RBM4: variants seen among roughly 807,000 people sequenced by gnomAD.
RBM4 encodes RNA binding motif protein 4.
A neutral mutation model predicts 29.5 loss-of-function variants in RBM4; 7 were observed. The observed-to-expected ratio is 0.24, with a 90% confidence interval of 0.14 to 0.45. RBM4 has a LOEUF of 0.45. RBM4 is among the 20% of genes least tolerant of loss of function. RBM4 has a pLI of 1.00. For missense variants in RBM4, 387 were observed against 502.3 expected (o/e 0.77, Z 2.19); for synonymous variants, 220 against 205.4 (o/e 1.07, Z -0.61).
chr11:66,644,466 C>T (rs373753983), intron 3 of RBM4: 11 of 241,260 alleles, frequency 4.6e-5, no homozygotes, highest in East Asian at 1.1e-4. Context: ...GGGACCCACA[C>T]GTTCAGGCTC....
chr11:66,666,446 T>C, exon 3 of RBM4: 1 of 987,762 alleles, frequency 1.0e-6, no homozygotes, highest in Non-Finnish European at 1.2e-6. Context: ...ATCAGGCTCC[T>C]GGGACTGCAA....
At position 66,639,728 on chromosome 11, in the gene RBM4, T is replaced by G; in HGVS notation, c.17T>G (p.Ile6Ser). 6.2e-7 allele frequency: 1 copy of G among 1,613,956 alleles called. No individual in the cohort carries two copies. The highest frequency in any genetic ancestry group is 8.5e-7 in the Non-Finnish European group (1 of 1,179,840). ...CTTGTCAGGATGGTGAAGCTGTTCA[T>G]CGGAAACCTGCCCCGGGAGGCTACA... is the stretch of plus-strand genomic sequence containing the variant. MVKLF[I>S]GNLPREATEQ... Residue 6 changes from isoleucine (I) to serine (S), a missense_variant, in exon 2 of 4, where the codon ATC becomes AGC. Coordinates refer to ENST00000310092, the MANE Select transcript of RBM4 (RefSeq NM_002896.4).
rs571011020 is a variant in RBM4 at position 66,665,800 on chromosome 11, C to G, written c.413-56C>G. ...ATGGCTATATATATAGGACAAGATG[C>G]AATCTAGCTGAAGAATGTGTTGGTG... is the stretch of plus-strand genomic sequence containing the variant. On this transcript the variant is annotated intron_variant, in intron 2 of 2. Coordinates refer to the RBM4 transcript ENST00000396053. The G allele has an allele frequency of 5.2e-5, 74 of 1,433,990 alleles. No individual in the cohort carries two copies. The African/African-American group carries it at 9.8e-4, about 19-fold the overall frequency. 88.8% of individuals were successfully genotyped at this position (1,433,990 alleles called of 1,614,324 possible).
At position 66,639,345 on chromosome 11, in the gene RBM4, C is replaced by T. The variant is rs192046490; in HGVS notation, c.-12-355C>T. On this transcript the variant is annotated intron_variant, in intron 1 of 3. Coordinates refer to ENST00000310092, the MANE Select transcript of RBM4 (RefSeq NM_002896.4). ...TAATTTCAGGCAGGCAGTCAGCAAGCCTAGTAGACTTTTGTTTTCTGTTGT... is the reference window on the plus strand; with the variant it reads ...TAATTTCAGGCAGGCAGTCAGCAAGTCTAGTAGACTTTTGTTTTCTGTTGT... 5.6e-3 allele frequency: 1,260 copies of T among 224,554 alleles called. 2 individuals carry two copies. Among genetic ancestry groups the T allele is most frequent in the Middle Eastern group, 0.012 (8 of 646 alleles). The allele number at this position is 224,554 out of a possible 1,614,324, so 13.9% of individuals were successfully genotyped here.
At chr11:66,660,558 T>A (rs1471392341) in intron 2 of RBM4, among the ~76,000 whole-genome samples, 1 of 152,006 alleles carries the variant, frequency 6.6e-6, no homozygotes, top group Admixed American at 6.6e-5. Flanking sequence ...TCCTGGCTGG[T>A]CTCAAACTCC....
chr11:66,657,229 C>A (rs1938967069), intron 2 of RBM4, among the ~76,000 whole-genome samples: 1 of 149,098 alleles, frequency 6.7e-6, no homozygotes, highest in African/African-American at 2.5e-5. Flanking sequence ...GTCTTCCCAT[C>A]TCAACCTTCC....
chr11:66,639,807 C>T lies in RBM4; in HGVS notation c.96C>T (p.Asp32=), dbSNP rs778453164. The T allele has an allele frequency of 3.7e-6, 6 of 1,614,102 alleles. No individual in the cohort carries two copies. In the Admixed American group the frequency reaches 6.7e-5, roughly 18 times the overall value. The change falls in exon 2 of 4, where the codon GAC becomes GAT. Residue 32 remains aspartate (D), a synonymous_variant. Coordinates refer to ENST00000310092, the MANE Select transcript of RBM4 (RefSeq NM_002896.4). ...AGTATGGGAAGGTGCTGGAATGTGA[C>T]ATCATTAAGAATTACGGCTTTGTGC... ...FEQYGKVLEC[D]IIKNYGFVHI... is the part of the protein sequence containing the mutation.
intron 2 of RBM4, among the ~76,000 whole-genome samples, chr11:66,641,589 T>G (rs1445206430): frequency 6.6e-6 from 1 of 152,220 alleles, no homozygotes; most frequent in African/African-American, 2.4e-5. Context: ...TGGTGTCTGC[T>G]TGTAGCAGTT....
chr11:66,647,426 T>C (rs1361590231), downstream of RBM4, among the ~76,000 whole-genome samples: 1 of 152,220 alleles, frequency 6.6e-6, no homozygotes, highest in Non-Finnish European at 1.5e-5. Context: ...AACATGTAAT[T>C]TATTGAATAT....
At chr11:66,660,256 T>C (rs947512620) in intron 2 of RBM4, among the ~76,000 whole-genome samples, 5 of 151,854 alleles carry the variant, frequency 3.3e-5, no homozygotes, top group African/African-American at 7.3e-5. Flanking sequence ...TGTAGCTTAG[T>C]AGATATGTCC....
At chr11:66,647,997 G>A (rs1371902525), downstream of RBM4, among the ~76,000 whole-genome samples, 1 of 152,142 alleles carries the variant, frequency 6.6e-6, no homozygotes, top group East Asian at 1.9e-4. Context: ...GAGGTCAGGA[G>A]TTCGTGACCA....
chr11:66,665,809 TG>T lies in RBM4; in HGVS notation c.413-46del, dbSNP rs201657088. The T allele has an allele frequency of 7.5e-4, 1,101 of 1,465,570 alleles. 11 individuals carry two copies. The African/African-American group carries it at 0.014, about 18-fold the overall frequency. The allele number at this position is 1,465,570 out of a possible 1,614,324, so 90.8% of individuals were successfully genotyped here. A position where few individuals can be genotyped will look rare whatever the true frequency, so the allele number is the denominator to read the frequency against. On this transcript the variant is annotated intron_variant, in intron 2 of 2. Coordinates refer to the RBM4 transcript ENST00000396053. Reference sequence around the variant, plus strand: ...TATATAGGACAAGATGCAATCTAGCTGAAGAATGTGTTGGTGATAAATACAT... The same window carrying T: ...TATATAGGACAAGATGCAATCTAGCTAAGAATGTGTTGGTGATAAATACAT...
At chr11:66,666,421 G>C in exon 3 of RBM4, 1 of 988,090 alleles carries the variant, frequency 1.0e-6, no homozygotes, top group Non-Finnish European at 1.2e-6. Flanking sequence ...ATTTCATCCT[G>C]GCAGCCTCAT....
Position 66,643,554 on chromosome 11 carries a change from A to G in RBM4, c.517A>G (p.Lys173Glu). ...YRCGKEGHWS[K>E]ECPIDRSGRV... is the part of the protein sequence containing the mutation. ...GTGCGGGAAAGAGGGGCACTGGTCC[A>G]AAGAGTGTCCGATAGATCGTTCAGG... The change falls in exon 3 of 4, where the codon AAA becomes GAA. Residue 173 changes from lysine (K) to glutamate (E), a missense_variant. By Grantham distance (56) the Lys-to-Glu change is moderately conservative (BLOSUM62 1). This residue lies in a region of RBM4 where 281 missense variants were observed against 288.7 expected (regional missense o/e 0.97). Transcript: ENST00000310092. This position sits in a 1 kb window ranked among gnomAD's most constrained non-coding sequence, Gnocchi z 6.1. 1 of 1,614,142 alleles carries G rather than the reference A, an allele frequency of 6.2e-7. No individual in the cohort carries two copies. The highest frequency in any genetic ancestry group is 2.2e-5 in the East Asian group (1 of 44,870).
chr11:66,667,325 T>C (rs1939273866), exon 3 of RBM4: 1 of 152,204 alleles, frequency 6.6e-6, no homozygotes, highest in Non-Finnish European at 1.5e-5. Context: ...ATAGTAAAAT[T>C]TCAGAGCCTA....
rs1554970955 is a variant in RBM4 at position 66,658,947 on chromosome 11, A to AT, written c.413-6909_413-6908insT. On this transcript the variant is annotated intron_variant, in intron 2 of 2. Transcript: ENST00000396053. Reference sequence around the variant, plus strand: ...GCAAGAGTGTCTCTCAAAAAAAAAAAATATATATATATATATATTCAGTTT... The same window carrying AT: ...GCAAGAGTGTCTCTCAAAAAAAAAAATATATATATATATATATATTCAGTTT... Among the ~76,000 whole-genome samples, 490 of 147,506 alleles carry AT rather than the reference A, an allele frequency of 3.3e-3. 1 individual carries two copies. The highest frequency in any genetic ancestry group is 5.6e-3 in the South Asian group (26 of 4,684).
chr11:66,667,704 T>G (rs1939289876), exon 3 of RBM4: 1 of 149,680 alleles, frequency 6.7e-6, no homozygotes, highest in Non-Finnish European at 1.5e-5. Flanking sequence ...GTAGGTTTTT[T>G]TTTTTTTTTA....
chr11:66,665,662 T>G (rs1161122559), intron 2 of RBM4: 3 of 1,526,146 alleles, frequency 2.0e-6, no homozygotes, highest in Non-Finnish European at 2.6e-6. Flanking sequence ...GGTCCTGTCC[T>G]GTATTCCGGG....
At chr11:66,666,111 C>T in exon 3 of RBM4, 1 of 809,930 alleles carries the variant, frequency 1.2e-6, no homozygotes, top group South Asian at 1.9e-5. Context: ...ACCTACATGT[C>T]ACACTGTCAC....
Sources: gnomAD v4.1 joint callset for allele counts (sites outside exome capture counted in the v4.1 genomes callset) on GRCh38, gnomAD v4.1.1 for gene constraint, gnomAD v4.1.1 regional missense constraint, Gnocchi (gnomAD v3.1) non-coding constraint, MANE v1.5 for transcripts, NCBI Gene and HGNC (gene_info 2026-07-23, HGNC 2026-07-21) for gene names.